The following GRM5 variants were observed in gnomAD, a reference collection of about 807,000 sequenced individuals.
GRM5 encodes the protein metabotropic glutamate receptor 5.
In GRM5, 19 loss-of-function variants were observed where a neutral mutation model predicts 83.1. That is an observed-to-expected ratio of 0.23 (90% CI 0.16 to 0.34). The LOEUF (loss-of-function observed/expected upper bound fraction) is 0.34. Ranked by LOEUF, GRM5 falls within the 10% of genes least tolerant of loss-of-function variation. GRM5 has a pLI of 1.00. For synonymous variants in GRM5, 675 were observed against 633.6 expected (o/e 1.07, Z -0.98); for missense variants, 1,160 against 1,588.3 (o/e 0.73, Z 4.58).
intron 2 of GRM5, among the ~76,000 whole-genome samples, chr11:88,886,002 G>T (rs1945039028): frequency 2.0e-5 from 3 of 152,122 alleles, no homozygotes; most frequent in South Asian, 4.1e-4. Flanking sequence ...TAAGATTAAG[G>T]TGGGGTGACC....
At chr11:88,817,632 A>G (rs898089299) in intron 3 of GRM5, among the ~76,000 whole-genome samples, 3 of 152,118 alleles carry the variant, frequency 2.0e-5, no homozygotes, top group Non-Finnish European at 4.4e-5. Flanking sequence ...ATCACTCTGA[A>G]TGTGTTAGAA....
intron 2 of GRM5, among the ~76,000 whole-genome samples, chr11:88,894,110 T>C (rs1368590676): frequency 6.6e-6 from 1 of 151,966 alleles, no homozygotes; most frequent in African/African-American, 2.4e-5. Flanking sequence ...CTGTTAGCTA[T>C]GTGTACTCTA....
chr11:88,758,541 GAAA>G (rs1469286494), intron 3 of GRM5, among the ~76,000 whole-genome samples: 1 of 152,010 alleles, frequency 6.6e-6, no homozygotes, highest in Non-Finnish European at 1.5e-5. Context: ...GAAGAATAGA[GAAA>G]AAAAAATAAA....
At chr11:88,737,187 TG>T (rs1180377538) in intron 3 of GRM5, among the ~76,000 whole-genome samples, 1 of 152,190 alleles carries the variant, frequency 6.6e-6, no homozygotes, top group Admixed American at 6.6e-5. Context: ...CATAAGTTAC[TG>T]CTTCTTATGC....
At chr11:88,965,006 A>G (rs1938905891) in intron 2 of GRM5, among the ~76,000 whole-genome samples, 1 of 152,180 alleles carries the variant, frequency 6.6e-6, no homozygotes, top group African/African-American at 2.4e-5. Flanking sequence ...CAAATACAAT[A>G]TACCTAGCAG....
At chr11:89,050,461 T>A (rs1941733743) in intron 1 of GRM5, among the ~76,000 whole-genome samples, 1 of 137,464 alleles carries the variant, frequency 7.3e-6, no homozygotes, top group Non-Finnish European at 1.5e-5. Context: ...AAGGGTAACT[T>A]TAGCTGAAAC....
At chr11:88,584,668 T>C (rs917422438) in intron 7 of GRM5, among the ~76,000 whole-genome samples, 2 of 152,202 alleles carry the variant, frequency 1.3e-5, no homozygotes, top group Non-Finnish European at 2.9e-5. Flanking sequence ...GGTCTCAAAC[T>C]CCTGACCTCA....
chr11:89,006,778 TTTTTG>T (rs1185014485), intron 2 of GRM5, among the ~76,000 whole-genome samples: 4 of 152,146 alleles, frequency 2.6e-5, no homozygotes, highest in African/African-American at 4.8e-5. Context: ...TTTCAAATCT[TTTTTG>T]TTTTGTTTTG....
At chr11:88,852,623 G>T (rs1303903310) in intron 2 of GRM5, among the ~76,000 whole-genome samples, 2 of 151,864 alleles carry the variant, frequency 1.3e-5, no homozygotes, top group Non-Finnish European at 2.9e-5. Context: ...AAGGCAGGGG[G>T]TATATGAAAA....
intron 3 of GRM5, among the ~76,000 whole-genome samples, chr11:88,830,752 T>G (rs1047433024): frequency 1.8e-4 from 27 of 152,176 alleles, no homozygotes; most frequent in African/African-American, 5.8e-4. Flanking sequence ...TCGTCTGTTT[T>G]TATGCTGCTG....
chr11:88,996,125 G>A (rs960595182), intron 2 of GRM5, among the ~76,000 whole-genome samples: 8 of 152,132 alleles, frequency 5.3e-5, no homozygotes, highest in East Asian at 3.8e-4. Flanking sequence ...ATCACCCAAC[G>A]TATTAGTTTC....
chr11:88,701,944 G>A (rs1941045601), intron 3 of GRM5, among the ~76,000 whole-genome samples: 1 of 152,024 alleles, frequency 6.6e-6, no homozygotes, highest in Admixed American at 6.6e-5. Flanking sequence ...CAAAAAGAGT[G>A]TCTTTTGTTA....
At chr11:88,898,141 T>A (rs1423131248) in intron 2 of GRM5, among the ~76,000 whole-genome samples, 2 of 151,938 alleles carry the variant, frequency 1.3e-5, no homozygotes, top group Non-Finnish European at 2.9e-5. Flanking sequence ...GGCCTATGGA[T>A]GCATCACTCC....
chr11:88,658,124 G>T (rs1242004175), intron 3 of GRM5, among the ~76,000 whole-genome samples: 1 of 152,050 alleles, frequency 6.6e-6, no homozygotes, highest in African/African-American at 2.4e-5. Context: ...TAATGCAGAG[G>T]CATTAGATTC....
intron 7 of GRM5, among the ~76,000 whole-genome samples, chr11:88,573,343 G>A (rs1457737560): frequency 6.6e-6 from 1 of 152,116 alleles, no homozygotes; most frequent in Non-Finnish European, 1.5e-5. Context: ...TTCACAGCTG[G>A]TACTCATGCT....
intron 3 of GRM5, among the ~76,000 whole-genome samples, chr11:88,817,339 TTC>T (rs1943710107): frequency 6.6e-6 from 1 of 151,988 alleles, no homozygotes; most frequent in Admixed American, 6.6e-5. Context: ...GAATTTAAAT[TTC>T]TCTTTTTTTT....
intron 2 of GRM5, among the ~76,000 whole-genome samples, chr11:89,003,848 G>T (rs1466248149): frequency 1.3e-5 from 2 of 152,166 alleles, no homozygotes; most frequent in African/African-American, 4.8e-5. Flanking sequence ...CCAGGCACAG[G>T]TGTAAATTAG....
intron 3 of GRM5, among the ~76,000 whole-genome samples, chr11:88,683,281 C>T (rs1940540198): frequency 6.6e-6 from 1 of 152,140 alleles, no homozygotes; most frequent in South Asian, 2.1e-4. Context: ...TTGTGAATCC[C>T]TGATGTTTCC....
chr11:88,879,601 T>C (rs1248427543), intron 2 of GRM5, among the ~76,000 whole-genome samples: 1 of 152,068 alleles, frequency 6.6e-6, no homozygotes, highest in Non-Finnish European at 1.5e-5. Context: ...CCTTTCTTTA[T>C]TTTATAATGT....
Sources: gnomAD v4.1 joint callset for allele counts (sites outside exome capture counted in the v4.1 genomes callset) on GRCh38, gnomAD v4.1.1 for gene constraint, MANE v1.5 for transcripts, NCBI Gene and HGNC (gene_info 2026-07-23, HGNC 2026-07-21) for gene names.